PAX8: variants seen among roughly 807,000 people sequenced by gnomAD.
PAX8 encodes paired box 8, also known as paired box protein Pax-8.
Under a neutral mutation model 52.4 loss-of-function variants are expected in PAX8, and 15 were observed. The observed-to-expected ratio is 0.29, with a 90% CI of 0.19 to 0.44. PAX8 has a LOEUF of 0.44. PAX8 is among the 20% of genes least tolerant of loss of function. The probability of loss-of-function intolerance (pLI) is 1.00; values close to 1 mark genes in which losing one functional copy is unlikely to be tolerated. For synonymous variants in PAX8, 284 were observed against 249.7 expected (o/e 1.14, Z -1.29); for missense variants, 554 against 602.5 (o/e 0.92, Z 0.84).
At chr2:113,274,055 T>C (rs1326942050) in intron 2 of PAX8, 1 of 152,138 alleles carries the variant, frequency 6.6e-6, no homozygotes. Flanking sequence ...TGTCTCTACT[T>C]TGGGTTAATG....
chr2:113,258,660 TA>T (rs1254348905), intron 2 of PAX8, among the ~76,000 whole-genome samples: 2 of 152,258 alleles, frequency 1.3e-5, no homozygotes, highest in Admixed American at 6.5e-5. Context: ...CCATTAAAGC[TA>T]ATTTGTTTGC....
chr2:113,247,007 G>T, intron 2 of PAX8, 88 bp from the exon 3 acceptor site: 2 of 1,243,468 alleles, frequency 1.6e-6, no homozygotes, highest in Non-Finnish European at 2.3e-6. Flanking sequence ...GCTGGTGTGT[G>T]TGTGTGTGTT....
chr2:113,220,318 G>T, intron 10 of PAX8, 140 bp from the exon 11 acceptor site: 1 of 673,722 alleles, frequency 1.5e-6, no homozygotes. Flanking sequence ...CAGGGACAAT[G>T]GAGCTCAGAA....
intron 10 of PAX8, chr2:113,226,448 C>T (rs185473652): frequency 1.0e-6 from 1 of 987,822 alleles, no homozygotes; most frequent in Non-Finnish European, 1.2e-6. Flanking sequence ...TTCATTTGTC[C>T]AGACCTTGTC....
intron 2 of PAX8, chr2:113,263,179 A>G (rs954688915): frequency 6.6e-6 from 1 of 152,258 alleles, no homozygotes; most frequent in Non-Finnish European, 1.5e-5. Context: ...TCTTGACATT[A>G]CTATACTTGC....
At chr2:113,273,986 C>T (rs1693636628) in intron 2 of PAX8, 2 of 152,114 alleles carry the variant, frequency 1.3e-5, no homozygotes, top group Admixed American at 6.5e-5. Context: ...CTGACAGGAA[C>T]GCGTCCTGTG....
intron 7 of PAX8, chr2:113,239,076 T>C (rs1301190348): frequency 5.9e-5 from 9 of 151,736 alleles, no homozygotes; most frequent in Non-Finnish European, 1.0e-4. Flanking sequence ...TGCCCTTTTT[T>C]TTTTTTTTTC....
intron 11 of PAX8, among the ~76,000 whole-genome samples, chr2:113,219,423 G>A (rs1689157882): frequency 6.6e-6 from 1 of 152,128 alleles, no homozygotes; most frequent in African/African-American, 2.4e-5. Context: ...CCATTGGTGG[G>A]GTTTTGCTTT....
intron 2 of PAX8, among the ~76,000 whole-genome samples, chr2:113,258,246 C>T (rs138427799): frequency 6.6e-6 from 1 of 152,284 alleles, no homozygotes; most frequent in African/African-American, 2.4e-5. Flanking sequence ...CCTTTATTTC[C>T]CTTTACTCTT....
chr2:113,261,753 G>A (rs965561437), intron 2 of PAX8, among the ~76,000 whole-genome samples: 1 of 152,142 alleles, frequency 6.6e-6, no homozygotes, highest in Non-Finnish European at 1.5e-5. Flanking sequence ...CATGTTGGTA[G>A]AGTGGAGGAA....
intron 10 of PAX8, among the ~76,000 whole-genome samples, chr2:113,224,900 G>C (rs1017539757): frequency 1.2e-4 from 18 of 149,616 alleles, no homozygotes; most frequent in African/African-American, 4.1e-4. Flanking sequence ...AACAGAAGGT[G>C]AATAGACAAG....
intron 9 of PAX8, chr2:113,230,387 A>C (rs914149809): frequency 6.6e-6 from 1 of 152,348 alleles, no homozygotes; most frequent in Non-Finnish European, 1.5e-5. Context: ...AACACAGCTT[A>C]ATATGGTCCA....
chr2:113,238,322 G>GA (rs1006105894), intron 7 of PAX8: 2 of 152,386 alleles, frequency 1.3e-5, no homozygotes, highest in Non-Finnish European at 2.9e-5. Context: ...TGCCTGGCTT[G>GA]ACCTCCCAAA....
intron 2 of PAX8, among the ~76,000 whole-genome samples, chr2:113,253,082 C>T (rs1223690927): frequency 6.6e-6 from 1 of 152,204 alleles, no homozygotes; most frequent in Non-Finnish European, 1.5e-5. Flanking sequence ...TTGGAGGGTG[C>T]CATGTTCTCC....
At chr2:113,276,142 TA>T (rs1194976330) in intron 2 of PAX8, 11 of 152,180 alleles carry the variant, frequency 7.2e-5, no homozygotes, top group Admixed American at 5.2e-4. Context: ...ACCCGAGAGA[TA>T]ATGGGCTTGT....
rs1240920960 is a variant in PAX8 at position 113,246,745 on chromosome 2, C to T, written c.191+9G>A. The stretch of plus-strand genomic sequence containing the variant: ...GGGGAAGGCGGCCTGCGGTGAATTT[C>T]GTGCTTACCTGCCAAGGATCTTGCT... On this transcript the variant is annotated intron_variant, in intron 3 of 11. Coordinates refer to ENST00000429538, the MANE Select transcript of PAX8 (RefSeq NM_003466.4). 8 of 1,610,794 alleles carry T rather than the reference C, an allele frequency of 5.0e-6. No individual in the cohort carries two copies. Among genetic ancestry groups the T allele is most frequent in the South Asian group, 1.1e-5 (1 of 91,016 alleles).
intron 3 of PAX8, among the ~76,000 whole-genome samples, chr2:113,244,978 A>G (rs1478592994): frequency 6.6e-6 from 1 of 152,040 alleles, no homozygotes; most frequent in Non-Finnish European, 1.5e-5. Flanking sequence ...TGATGTGTGA[A>G]TGACAGGGGC....
intron 2 of PAX8, among the ~76,000 whole-genome samples, chr2:113,277,379 G>A (rs1693896567): frequency 6.6e-6 from 1 of 152,240 alleles, no homozygotes; most frequent in Non-Finnish European, 1.5e-5. Flanking sequence ...GCCTCGCTGC[G>A]CGCCCGATCC....
intron 9 of PAX8, among the ~76,000 whole-genome samples, chr2:113,229,988 A>C (rs1307841256): frequency 6.6e-6 from 1 of 152,192 alleles, no homozygotes; most frequent in Non-Finnish European, 1.5e-5. Context: ...CCCTGGATGA[A>C]AGACAGCCAC....
Sources: allele counts gnomAD v4.1 joint callset (sites outside exome capture counted in the v4.1 genomes callset), GRCh38; gene constraint gnomAD v4.1.1; transcripts MANE v1.5; gene names NCBI Gene and HGNC (gene_info 2026-07-23, HGNC 2026-07-21).